Variants in CAMK1D observed in about 807,000 individuals in gnomAD.
CAMK1D encodes calcium/calmodulin-dependent protein kinase type 1D.
Under a neutral mutation model 47.7 loss-of-function variants are expected in CAMK1D, and 9 were observed. That is an observed-to-expected ratio of 0.19 (90% CI 0.11 to 0.33). CAMK1D has a LOEUF of 0.33. CAMK1D is among the 10% of genes least tolerant of loss of function. The pLI is 1.00. For synonymous variants in CAMK1D, 184 were observed against 184.9 expected (o/e 0.99, Z 0.04); for missense variants, 291 against 488.7 (o/e 0.60, Z 3.81).
intron 2 of CAMK1D, among the ~76,000 whole-genome samples, chr10:12,565,998 G>T (rs1293589036): frequency 1.3e-5 from 2 of 152,122 alleles, no homozygotes; most frequent in African/African-American, 4.8e-5. Context: ...GAAGTCCTGA[G>T]AATCAGCTCA....
At chr10:12,716,286 C>T (rs1002436067) in intron 3 of CAMK1D, among the ~76,000 whole-genome samples, 1 of 152,216 alleles carries the variant, frequency 6.6e-6, no homozygotes, top group African/African-American at 2.4e-5. Flanking sequence ...TTTATCAGCA[C>T]CCCTGGCTTC....
intron 1 of CAMK1D, among the ~76,000 whole-genome samples, chr10:12,426,236 A>G (rs1009498103): frequency 6.6e-6 from 1 of 152,110 alleles, no homozygotes; most frequent in Non-Finnish European, 1.5e-5. Flanking sequence ...TTTTGCTGTG[A>G]AGGGATATTT....
intron 3 of CAMK1D, among the ~76,000 whole-genome samples, chr10:12,714,761 T>TACGC (rs1554815611): frequency 2.3e-5 from 3 of 130,518 alleles, no homozygotes; most frequent in Non-Finnish European, 3.2e-5. Context: ...TACATTAAAT[T>TACGC]ACACACACAC....
At chr10:12,385,398 T>C (rs1449960994) in intron 1 of CAMK1D, among the ~76,000 whole-genome samples, 1 of 152,214 alleles carries the variant, frequency 6.6e-6, no homozygotes, top group Non-Finnish European at 1.5e-5. Flanking sequence ...ATCCATACAA[T>C]GATGTGATAT....
chr10:12,814,153 G>A, intron 6 of CAMK1D, 42 bp from the exon 7 acceptor site: 1 of 1,275,722 alleles, frequency 7.8e-7, no homozygotes, highest in Non-Finnish European at 1.1e-6. Context: ...CACCACACTG[G>A]TTATGCAGAT....
intron 2 of CAMK1D, among the ~76,000 whole-genome samples, chr10:12,553,658 C>G (rs1321951219): frequency 6.6e-6 from 1 of 152,142 alleles, no homozygotes; most frequent in Non-Finnish European, 1.5e-5. Context: ...GCTACAGAGC[C>G]CTGAGTCTTC....
At chr10:12,567,461 C>G (rs559393017) in intron 2 of CAMK1D, among the ~76,000 whole-genome samples, 1 of 152,182 alleles carries the variant, frequency 6.6e-6, no homozygotes, top group East Asian at 1.9e-4. Flanking sequence ...CATCTAGAGA[C>G]GTTCACGGTT....
At chr10:12,602,199 T>C (rs565575265) in intron 2 of CAMK1D, among the ~76,000 whole-genome samples, 1 of 152,362 alleles carries the variant, frequency 6.6e-6, no homozygotes, top group African/African-American at 2.4e-5. Context: ...TAAACTCATT[T>C]TATATCTCTA....
At chr10:12,735,195 G>A (rs1050850259) in intron 3 of CAMK1D, among the ~76,000 whole-genome samples, 4 of 152,194 alleles carry the variant, frequency 2.6e-5, no homozygotes, top group African/African-American at 9.7e-5. Context: ...CGAAAGTGTC[G>A]GCCGGGCGCG....
intron 3 of CAMK1D, among the ~76,000 whole-genome samples, chr10:12,728,810 C>CGTGT (rs140346305): frequency 6.6e-6 from 1 of 151,706 alleles, no homozygotes; most frequent in Non-Finnish European, 1.5e-5. Flanking sequence ...TTTGGGAGTG[C>CGTGT]GTGTGTGTGT....
intron 3 of CAMK1D, among the ~76,000 whole-genome samples, chr10:12,675,205 C>T (rs1001186622): frequency 6.6e-6 from 1 of 152,048 alleles, no homozygotes; most frequent in Admixed American, 6.6e-5. Context: ...GATTATATTG[C>T]TGTGGAATAA....
intron 6 of CAMK1D, among the ~76,000 whole-genome samples, chr10:12,793,408 A>G (rs1208177862): frequency 1.3e-5 from 2 of 152,190 alleles, no homozygotes; most frequent in Non-Finnish European, 2.9e-5. Flanking sequence ...CTGGTTAGGT[A>G]CTTGTTGACA....
At chr10:12,493,933 G>A (rs1834462254) in intron 1 of CAMK1D, among the ~76,000 whole-genome samples, 1 of 152,220 alleles carries the variant, frequency 6.6e-6, no homozygotes, top group South Asian at 2.1e-4. Flanking sequence ...AATGGAAAGT[G>A]CTTGTTGCTT....
chr10:12,480,974 T>G (rs1317149538), intron 1 of CAMK1D, among the ~76,000 whole-genome samples: 1 of 152,204 alleles, frequency 6.6e-6, no homozygotes, highest in Non-Finnish European at 1.5e-5. Context: ...ATTCCTGGGC[T>G]TGGGTCAAGC....
intron 4 of CAMK1D, 77 bp downstream of exon 4, chr10:12,761,163 T>TG: frequency 1.3e-6 from 2 of 1,535,576 alleles, no homozygotes; most frequent in Non-Finnish European, 1.8e-6. Context: ...CTGATGCCAG[T>TG]GGGGGCATGC....
At chr10:12,607,494 G>C (rs182711320) in intron 2 of CAMK1D, among the ~76,000 whole-genome samples, 1 of 152,152 alleles carries the variant, frequency 6.6e-6, no homozygotes, top group Non-Finnish European at 1.5e-5. Flanking sequence ...TGCACTGTTC[G>C]CATCCCTGAG....
chr10:12,663,023 A>C (rs1840322040), intron 2 of CAMK1D, among the ~76,000 whole-genome samples: 1 of 152,140 alleles, frequency 6.6e-6, no homozygotes, highest in Admixed American at 6.5e-5. Flanking sequence ...GTGCAATGGC[A>C]CGATCTCAGC....
intron 9 of CAMK1D, among the ~76,000 whole-genome samples, chr10:12,825,020 T>G (rs1031238571): frequency 1.3e-5 from 2 of 152,122 alleles, no homozygotes; most frequent in African/African-American, 4.8e-5. Flanking sequence ...CAATCAGCAA[T>G]GGCAATTCAG....
intron 3 of CAMK1D, among the ~76,000 whole-genome samples, chr10:12,694,264 T>A (rs368921826): frequency 3.3e-3 from 71 of 21,500 alleles, no homozygotes; most frequent in South Asian, 4.3e-3. Context: ...GTATAATATA[T>A]AATATATATT....
Sources: allele counts gnomAD v4.1 joint callset (sites outside exome capture counted in the v4.1 genomes callset), GRCh38; gene constraint gnomAD v4.1.1; transcripts MANE v1.5; gene names NCBI Gene and HGNC (gene_info 2026-07-23, HGNC 2026-07-21).